Variants in SORCS2 observed in about 807,000 individuals in gnomAD.
The protein encoded by SORCS2 is VPS10 domain-containing receptor SorCS2.
Under a neutral mutation model 141.6 loss-of-function variants are expected in SORCS2, and 100 were observed. The ratio of observed to expected loss-of-function variants is 0.71; its 90% confidence interval spans 0.60 to 0.83. The LOEUF (loss-of-function observed/expected upper bound fraction) is 0.83. SORCS2 is among the 40% of genes least tolerant of loss of function. The probability of loss-of-function intolerance (pLI) is 0.00; values close to 1 mark genes in which losing one functional copy is unlikely to be tolerated. For missense variants in SORCS2, 1,646 were observed against 1,560.2 expected (o/e 1.05, Z -0.93); for synonymous variants, 789 against 676.9 (o/e 1.17, Z -2.57).
chr4:7,591,944 A>AT (rs1716943370), intron 3 of SORCS2, among the ~76,000 whole-genome samples: 1 of 152,006 alleles, frequency 6.6e-6, no homozygotes, highest in Admixed American at 6.6e-5. Context: ...AAAGGATTAT[A>AT]TGGGGCCATT....
intron 2 of SORCS2, among the ~76,000 whole-genome samples, chr4:7,494,245 C>G (rs893036587): frequency 6.6e-6 from 1 of 152,192 alleles, no homozygotes; most frequent in Non-Finnish European, 1.5e-5. Flanking sequence ...CATGAGTGGT[C>G]CACGCCATGA....
At chr4:7,239,859 C>G (rs1560133262) in intron 1 of SORCS2, among the ~76,000 whole-genome samples, 1 of 152,216 alleles carries the variant, frequency 6.6e-6, no homozygotes, top group Non-Finnish European at 1.5e-5. Flanking sequence ...TGAGGGTGAA[C>G]AGCCCAGAGC....
At chr4:7,724,909 A>T (rs371883133) in intron 19 of SORCS2, among the ~76,000 whole-genome samples, 5 of 14,258 alleles carry the variant, frequency 3.5e-4, no homozygotes, top group Admixed American at 8.5e-4. Flanking sequence ...TGGTGATAGT[A>T]TTGGTGGGAA....
intron 1 of SORCS2, among the ~76,000 whole-genome samples, chr4:7,202,132 C>T (rs1467490063): frequency 6.6e-6 from 1 of 152,190 alleles, no homozygotes; most frequent in East Asian, 1.9e-4. Flanking sequence ...ACAGACCATC[C>T]CTGACCTGCT....
rs550902443 is a variant in SORCS2 at position 7,378,423 on chromosome 4, T to C, written c.481-17865T>C. Among the ~76,000 whole-genome samples, 11 of 152,196 alleles carry C rather than the reference T, an allele frequency of 7.2e-5. No homozygotes were observed. In the South Asian group the frequency reaches 2.3e-3, roughly 32 times the overall value. ...CATGGCTGGGGAGGCCTCAGGAAAC[T>C]TATAATCATGGTGGAAGAGGAAGCA... On this transcript the variant is annotated intron_variant, in intron 1 of 26. Coordinates refer to ENST00000507866, the MANE Select transcript of SORCS2 (RefSeq NM_020777.3).
intron 3 of SORCS2, among the ~76,000 whole-genome samples, chr4:7,608,476 C>T (rs1313825057): frequency 6.6e-6 from 1 of 152,244 alleles, no homozygotes; most frequent in Non-Finnish European, 1.5e-5. Context: ...TTTCCCAGGA[C>T]AACACCTGGC....
chr4:7,698,568 G>T (rs1724853546), intron 12 of SORCS2, among the ~76,000 whole-genome samples: 1 of 152,246 alleles, frequency 6.6e-6, no homozygotes, highest in Admixed American at 6.5e-5. Context: ...AATAGACAGG[G>T]TGAAATAGAA....
At chr4:7,624,435 C>T (rs1399943369) in intron 3 of SORCS2, among the ~76,000 whole-genome samples, 1 of 152,230 alleles carries the variant, frequency 6.6e-6, no homozygotes, top group Non-Finnish European at 1.5e-5. Flanking sequence ...AGAATGGCTT[C>T]TAGTTGAAGC....
At position 7,692,461 on chromosome 4, in the gene SORCS2, C is replaced by G. The variant is rs538181876; in HGVS notation, c.1591+2873C>G. On this transcript the variant is annotated intron_variant, in intron 11 of 26. Coordinates refer to ENST00000507866, the MANE Select transcript of SORCS2 (RefSeq NM_020777.3). ...GCAAAATGAGAGGATAAAACCTCCA[C>G]TGTAAGGATGAGACAGGGTATGGCA... Among the ~76,000 whole-genome samples the G allele has an allele frequency of 2.0e-5, 3 of 152,358 alleles. No individual in the cohort carries two copies. The East Asian group carries it at 5.8e-4, about 29-fold the overall frequency.
chr4:7,378,902 A>G (rs1722821462), intron 1 of SORCS2, among the ~76,000 whole-genome samples: 1 of 152,164 alleles, frequency 6.6e-6, no homozygotes. Flanking sequence ...ATTGGCCACC[A>G]TGGACACGGA....
At chr4:7,600,050 G>C (rs1327325605) in intron 3 of SORCS2, among the ~76,000 whole-genome samples, 1 of 151,980 alleles carries the variant, frequency 6.6e-6, no homozygotes, top group Non-Finnish European at 1.5e-5. Flanking sequence ...TTGAACTCCT[G>C]ACCTCAAGTG....
At chr4:7,325,980 G>C (rs945776312) in intron 1 of SORCS2, among the ~76,000 whole-genome samples, 1 of 152,174 alleles carries the variant, frequency 6.6e-6, no homozygotes, top group African/African-American at 2.4e-5. Context: ...GGGCGTGGGA[G>C]TGAGCAGGGA....
intron 1 of SORCS2, among the ~76,000 whole-genome samples, chr4:7,212,403 C>T (rs1228801181): frequency 1.3e-5 from 2 of 152,200 alleles, no homozygotes; most frequent in Non-Finnish European, 2.9e-5. Context: ...GTCACAGAAA[C>T]CCCACTCCAA....
intron 1 of SORCS2, among the ~76,000 whole-genome samples, chr4:7,316,211 C>CA (rs1328888965): frequency 1.3e-4 from 19 of 150,676 alleles, no homozygotes; most frequent in Non-Finnish European, 2.5e-4. Context: ...GCTAGCTTTC[C>CA]TTCCATCCAT....
intron 1 of SORCS2, among the ~76,000 whole-genome samples, chr4:7,199,940 T>C (rs114920846): frequency 4.5e-4 from 69 of 152,080 alleles, no homozygotes; most frequent in African/African-American, 1.5e-3. Flanking sequence ...TCCCGGGGAA[T>C]GCGAGCAGGA....
chr4:7,661,011 C>A (rs576340785), intron 5 of SORCS2, among the ~76,000 whole-genome samples: 1 of 152,256 alleles, frequency 6.6e-6, no homozygotes, highest in African/African-American at 2.4e-5. Context: ...CTGTATGGCT[C>A]TGGGAGAGTC....
chr4:7,692,284 T>C (rs1049157587), intron 11 of SORCS2, among the ~76,000 whole-genome samples: 1 of 152,162 alleles, frequency 6.6e-6, no homozygotes, highest in Non-Finnish European at 1.5e-5. Context: ...GGCTACCTGT[T>C]TCCACAGGGT....
intron 7 of SORCS2, among the ~76,000 whole-genome samples, chr4:7,666,053 G>T (rs150332170): frequency 2.6e-5 from 4 of 152,122 alleles, no homozygotes; most frequent in Non-Finnish European, 5.9e-5. Flanking sequence ...ATTGAGGGAT[G>T]TGAGGAGGTG....
intron 2 of SORCS2, among the ~76,000 whole-genome samples, chr4:7,425,464 G>A (rs538171264): frequency 3.6e-4 from 55 of 152,270 alleles, no homozygotes; most frequent in African/African-American, 1.2e-3. Context: ...TGGGAGTGGC[G>A]AGACGTTCCC....
Sources: gnomAD v4.1 joint callset for allele counts (sites outside exome capture counted in the v4.1 genomes callset) on GRCh38, gnomAD v4.1.1 for gene constraint, MANE v1.5 for transcripts, NCBI Gene and HGNC (gene_info 2026-07-23, HGNC 2026-07-21) for gene names.